RNF138: variants seen among roughly 807,000 people sequenced by gnomAD.
RNF138 encodes ring finger protein 138, also known as E3 ubiquitin-protein ligase RNF138.
In RNF138, 12 loss-of-function variants were observed where a neutral mutation model predicts 31.0. That is an observed-to-expected ratio of 0.39 (90% CI 0.25 to 0.63). The LOEUF (loss-of-function observed/expected upper bound fraction) is 0.63. RNF138 is among the 20% of genes least tolerant of loss of function. The probability of loss-of-function intolerance (pLI) is 0.52; values close to 1 mark genes in which losing one functional copy is unlikely to be tolerated. For synonymous variants in RNF138, 105 were observed against 99.5 expected, an observed-to-expected ratio of 1.06 and a Z score of -0.33; for missense variants, 192 against 300.1, an observed-to-expected ratio of 0.64 and a Z score of 2.66.
At chr18:32,107,727 C>A (rs1392228261) in intron 2 of RNF138, among the ~76,000 whole-genome samples, 3 of 150,780 alleles carry the variant, frequency 2.0e-5, no homozygotes, top group Non-Finnish European at 4.4e-5. Context: ...CCATGTTGGC[C>A]AGGCTAGTCT....
intron 2 of RNF138, 27 bp from the exon 3 acceptor site, chr18:32,111,727 A>AT: frequency 2.5e-6 from 4 of 1,584,826 alleles, no homozygotes; most frequent in Non-Finnish European, 3.4e-6. Flanking sequence ...TTTTTTTGTA[A>AT]TTAATGTGTC....
chr18:32,111,505 ATATAT>A (rs199606001), intron 2 of RNF138, among the ~76,000 whole-genome samples: 2,919 of 152,276 alleles, frequency 0.019, 38 homozygotes, highest in Middle Eastern at 0.037. Context: ...TTTATTCATC[ATATAT>A]TATGTTAAGA....
intron 2 of RNF138, among the ~76,000 whole-genome samples, chr18:32,093,718 C>G (rs1440402856): frequency 2.0e-5 from 3 of 152,100 alleles, no homozygotes; most frequent in Non-Finnish European, 4.4e-5. Context: ...ATAACGCATG[C>G]GTTTGATTGG....
chr18:32,128,652 T>G (rs996880092), intron 7 of RNF138, among the ~76,000 whole-genome samples: 1 of 152,270 alleles, frequency 6.6e-6, no homozygotes, highest in African/African-American at 2.4e-5. Context: ...TTGTGTGTTA[T>G]GATTAACTTC....
chr18:32,124,631 T>G, intron 5 of RNF138, 103 bp from the exon 6 acceptor site: 2 of 657,022 alleles, frequency 3.0e-6, no homozygotes, highest in Non-Finnish European at 2.7e-6. Context: ...GTCTAATAAT[T>G]ATAACTTTTT....
intron 4 of RNF138, among the ~76,000 whole-genome samples, chr18:32,117,099 A>G (rs1423466662): frequency 6.6e-6 from 1 of 151,258 alleles, no homozygotes; most frequent in Non-Finnish European, 1.5e-5. Flanking sequence ...ATGGGGTTTC[A>G]CCATATTGGA....
intron 4 of RNF138, among the ~76,000 whole-genome samples, chr18:32,120,041 C>A (rs2040278690): frequency 6.6e-6 from 1 of 151,950 alleles, no homozygotes; most frequent in Non-Finnish European, 1.5e-5. Flanking sequence ...TCTTTTAAAC[C>A]TAATGTTCTA....
intron 7 of RNF138, among the ~76,000 whole-genome samples, chr18:32,128,584 T>C (rs1214559222): frequency 2.0e-5 from 3 of 152,354 alleles, no homozygotes; most frequent in South Asian, 2.1e-4. Flanking sequence ...CTTGTTTTCT[T>C]AAAATCAGTT....
chr18:32,107,121 T>TA (rs1467221217), intron 2 of RNF138, among the ~76,000 whole-genome samples: 1 of 135,340 alleles, frequency 7.4e-6, no homozygotes. Flanking sequence ...TTTTCCTTTT[T>TA]TTTTTTTTTT....
At chr18:32,096,631 A>C (rs1021251204) in intron 2 of RNF138, among the ~76,000 whole-genome samples, 1 of 152,200 alleles carries the variant, frequency 6.6e-6, no homozygotes, top group African/African-American at 2.4e-5. Context: ...ACCAGGAATA[A>C]AGTGAGAGTG....
chr18:32,127,747 T>TTG (rs2040405696), intron 7 of RNF138, among the ~76,000 whole-genome samples: 1 of 152,248 alleles, frequency 6.6e-6, no homozygotes, highest in Non-Finnish European at 1.5e-5. Context: ...TGAACCACTT[T>TTG]TGATCTAATT....
rs768736694 is a variant in RNF138 at position 32,092,784 on chromosome 18, A to G, written c.8A>G (p.Glu3Gly). 4.4e-6 allele frequency: 7 copies of G among 1,581,212 alleles called. No homozygotes were observed. The South Asian group carries it at 8.1e-5, about 18-fold the overall frequency. The change falls in exon 2 of 8, where the codon GAG becomes GGG. Residue 3 changes from glutamate to glycine, a missense_variant. By Grantham distance (98) the Glu-to-Gly change is moderately conservative. This residue lies in a region of RNF138 where 52 missense variants were observed against 48.4 expected (regional missense o/e 1.07). Coordinates refer to ENST00000261593, the MANE Select transcript of RNF138 (RefSeq NM_016271.5). ...GTTTCCCCATCCCCCGCCATGGCCG[A>G]GGACCTCTCTGCGGCCACGTCCTAC... MA[E>G]DLSAATSYTE... is the part of the protein sequence containing the mutation.
intron 2 of RNF138, among the ~76,000 whole-genome samples, chr18:32,098,025 G>T (rs1380911329): frequency 2.0e-5 from 3 of 151,394 alleles, no homozygotes; most frequent in African/African-American, 4.9e-5. Flanking sequence ...TCACTGTGTT[G>T]CCCAGGCTGG....
At chr18:32,107,216 G>T (rs1285280144) in intron 2 of RNF138, among the ~76,000 whole-genome samples, 1 of 149,480 alleles carries the variant, frequency 6.7e-6, no homozygotes, top group African/African-American at 2.5e-5. Context: ...TGCCTCCCGG[G>T]TTTAAGCAGT....
intron 6 of RNF138, among the ~76,000 whole-genome samples, chr18:32,125,739 C>T (rs1055689973): frequency 1.3e-5 from 2 of 151,800 alleles, no homozygotes; most frequent in African/African-American, 4.8e-5. Flanking sequence ...CGAGACTAGC[C>T]TGGGCAACAT....
rs192641900 is a variant in RNF138 at position 32,093,580 on chromosome 18, C to T, written c.110+694C>T. On this transcript the variant is annotated intron_variant, in intron 2 of 7. Transcript: ENST00000261593. The stretch of plus-strand genomic sequence containing the variant: ...GAAATGAGCGTTCCCCTTTGTTTTA[C>T]CTTTCTGCTTACTTATTACTTGATT... Among the ~76,000 whole-genome samples the T allele has an allele frequency of 1.6e-4, 25 of 152,268 alleles. No individual in the cohort carries two copies. The East Asian group carries it at 4.8e-3, about 29-fold the overall frequency.
intron 2 of RNF138, among the ~76,000 whole-genome samples, chr18:32,097,863 G>T (rs1000172075): frequency 6.6e-6 from 1 of 151,588 alleles, no homozygotes; most frequent in Non-Finnish European, 1.5e-5. Context: ...TCTGTTGCTC[G>T]GGCTATATAT....
chr18:32,111,832 A>AAG lies in RNF138; in HGVS notation c.198_199dup (p.Ala67GlufsTer8), dbSNP rs2040136811. The stretch of plus-strand genomic sequence containing the variant: ...CCCTATGTCGTGGAAATGTGACTAG[A>AAG]AGAGAGAGAGCATGTCCTGAACGGG... On this transcript the variant is annotated frameshift_variant, in exon 3 of 8. Transcript: ENST00000261593. LOFTEE classifies it high-confidence loss of function. The AAG allele has an allele frequency of 6.2e-7, 1 of 1,613,976 alleles. No individual in the cohort carries two copies. Among genetic ancestry groups the AAG allele is most frequent in the Non-Finnish European group, 8.5e-7 (1 of 1,179,938 alleles).
At chr18:32,128,335 C>T (rs1252414353) in intron 7 of RNF138, among the ~76,000 whole-genome samples, 5 of 152,146 alleles carry the variant, frequency 3.3e-5, no homozygotes, top group East Asian at 3.9e-4. Context: ...GTCAGCAGTT[C>T]AAGACCAGCC....
Sources: gnomAD v4.1 joint callset for allele counts (sites outside exome capture counted in the v4.1 genomes callset) on GRCh38, gnomAD v4.1.1 for gene constraint, gnomAD v4.1.1 regional missense constraint, MANE v1.5 for transcripts, NCBI Gene and HGNC (gene_info 2026-07-23, HGNC 2026-07-21) for gene names.